SPOCK3: variants seen among roughly 807,000 people sequenced by gnomAD.
The protein encoded by SPOCK3 is SPARC (osteonectin), cwcv and kazal like domains proteoglycan 3.
In SPOCK3, 30 loss-of-function variants were observed where a neutral mutation model predicts 56.6. That is an observed-to-expected ratio of 0.53 (90% CI 0.40 to 0.72). The LOEUF is 0.72. Among genes scored for constraint, SPOCK3 ranks in the 30% least tolerant of loss-of-function variants. SPOCK3 has a pLI of 0.00. For missense variants in SPOCK3, 527 were observed against 530.0 expected (o/e 0.99, Z 0.06); for synonymous variants, 196 against 183.3 (o/e 1.07, Z -0.56).
At position 166,884,587 on chromosome 4, in the gene SPOCK3, T is replaced by A. The variant is rs1734010262; in HGVS notation, c.589+4543A>T. On this transcript the variant is annotated intron_variant, in intron 6 of 10. Transcript: ENST00000357545. The stretch of plus-strand genomic sequence containing the variant: ...TGGCATTTAATATGTGAAAAAGTTA[T>A]GTAATTTACTAGGATTCAGCAGCAT... 2.0e-5 allele frequency among the ~76,000 whole-genome samples: 3 copies of A among 152,166 alleles called. No homozygotes were observed. In the South Asian group the frequency reaches 6.2e-4, roughly 31 times the overall value.
At chr4:166,985,990 A>T (rs74542959) in intron 4 of SPOCK3, among the ~76,000 whole-genome samples, 16,133 of 152,216 alleles carry the variant, frequency 0.11, 1,127 homozygotes, top group Middle Eastern at 0.23. Context: ...AAAATATATA[A>T]AATTCTGAAT....
intron 6 of SPOCK3, among the ~76,000 whole-genome samples, chr4:166,859,079 A>G (rs1378637055): frequency 6.6e-6 from 1 of 152,154 alleles, no homozygotes; most frequent in African/African-American, 2.4e-5. Flanking sequence ...AATACTTACC[A>G]TTGTGTTACA....
At chr4:167,210,991 C>T (rs977441560) in intron 2 of SPOCK3, among the ~76,000 whole-genome samples, 8 of 151,992 alleles carry the variant, frequency 5.3e-5, no homozygotes, top group South Asian at 2.1e-4. Context: ...AAACAATGAA[C>T]GATTTTTTAA....
intron 2 of SPOCK3, among the ~76,000 whole-genome samples, chr4:167,222,660 TATAAAC>T (rs966535835): frequency 1.5e-5 from 2 of 136,744 alleles, no homozygotes; most frequent in Non-Finnish European, 3.1e-5. Context: ...TATATAAATA[TATAAAC>T]ATAGATATAT....
rs926647951 is a variant in SPOCK3 at position 167,183,998 on chromosome 4, C to T, written c.189+49987G>A. On this transcript the variant is annotated intron_variant, in intron 2 of 10. Transcript: ENST00000357545. Reference sequence around the variant, plus strand: ...TGAAGCCCAAATGGTTCATGAGTTACCAAGATGCTAATAAATCAAAATGGT... The same window carrying T: ...TGAAGCCCAAATGGTTCATGAGTTATCAAGATGCTAATAAATCAAAATGGT... Among the ~76,000 whole-genome samples, 3 of 152,134 alleles carry T rather than the reference C, an allele frequency of 2.0e-5. No homozygotes were observed. In the East Asian group the frequency reaches 5.8e-4, roughly 29 times the overall value.
intron 3 of SPOCK3, among the ~76,000 whole-genome samples, chr4:167,023,061 T>C (rs542650046): frequency 2.0e-5 from 3 of 152,188 alleles, no homozygotes; most frequent in Admixed American, 6.5e-5. Flanking sequence ...ATAGAGACTA[T>C]GCACAGGAAT....
intron 5 of SPOCK3, among the ~76,000 whole-genome samples, chr4:166,899,379 C>G (rs1158465099): frequency 6.6e-6 from 1 of 151,586 alleles, no homozygotes; most frequent in African/African-American, 2.4e-5. Context: ...CAGATGATAC[C>G]CTGTTGTTTG....
chr4:167,168,758 A>G (rs949879049), intron 2 of SPOCK3, among the ~76,000 whole-genome samples: 1 of 152,176 alleles, frequency 6.6e-6, no homozygotes, highest in African/African-American at 2.4e-5. Flanking sequence ...AATCACCAAG[A>G]CAATGGGAAT....
At chr4:166,862,363 A>T (rs568581187) in intron 6 of SPOCK3, among the ~76,000 whole-genome samples, 1 of 152,212 alleles carries the variant, frequency 6.6e-6, no homozygotes, top group South Asian at 2.1e-4. Context: ...AAAGACTTGA[A>T]TGTAGCAAAT....
At chr4:166,774,004 C>T (rs1050004128) in intron 7 of SPOCK3, among the ~76,000 whole-genome samples, 1 of 152,154 alleles carries the variant, frequency 6.6e-6, no homozygotes, top group Non-Finnish European at 1.5e-5. Context: ...TTCATCTCAG[C>T]TTTCAGTAAC....
intron 4 of SPOCK3, among the ~76,000 whole-genome samples, chr4:166,937,892 T>A (rs1167755616): frequency 1.3e-5 from 2 of 149,152 alleles, no homozygotes; most frequent in Non-Finnish European, 3.0e-5. Context: ...GCCTCCCGAG[T>A]AGCTGGGACT....
At chr4:166,880,058 A>G (rs1733526412) in intron 6 of SPOCK3, among the ~76,000 whole-genome samples, 1 of 152,160 alleles carries the variant, frequency 6.6e-6, no homozygotes, top group African/African-American at 2.4e-5. Flanking sequence ...TCTTTTCTTT[A>G]TAAATTACCA....
At chr4:166,899,276 A>G (rs955934584) in intron 5 of SPOCK3, among the ~76,000 whole-genome samples, 1 of 137,362 alleles carries the variant, frequency 7.3e-6, no homozygotes, top group Middle Eastern at 3.4e-3. Flanking sequence ...CTATCTATCT[A>G]TCTATCTATC....
At position 166,870,430 on chromosome 4, in the gene SPOCK3, G is replaced by A. The variant is rs528668371; in HGVS notation, c.589+18700C>T. On this transcript the variant is annotated intron_variant, in intron 6 of 10. Coordinates refer to ENST00000357545, the MANE Select transcript of SPOCK3 (RefSeq NM_001040159.2). Reference sequence around the variant, plus strand: ...AATTCTTCTAAAATGTGCATGGAACGTTCACCAAGACAGAATACATTCTGG... The same window carrying A: ...AATTCTTCTAAAATGTGCATGGAACATTCACCAAGACAGAATACATTCTGG... Among the ~76,000 whole-genome samples the A allele has an allele frequency of 7.2e-5, 11 of 151,900 alleles. No individual in the cohort carries two copies. The East Asian group carries it at 9.7e-4, about 13-fold the overall frequency.
intron 2 of SPOCK3, chr4:167,083,218 A>C (rs1335024567): frequency 1.3e-6 from 1 of 765,296 alleles, no homozygotes; most frequent in South Asian, 1.3e-5. Context: ...ATTTCTGTCG[A>C]CACCCAACCC....
chr4:166,824,664 G>A (rs1347087699), intron 6 of SPOCK3, among the ~76,000 whole-genome samples: 1 of 152,060 alleles, frequency 6.6e-6, no homozygotes, highest in Non-Finnish European at 1.5e-5. Flanking sequence ...ACTAGCAGGG[G>A]CCAGTATTTT....
intron 2 of SPOCK3, among the ~76,000 whole-genome samples, chr4:167,210,740 A>T (rs376029765): frequency 6.6e-6 from 1 of 152,164 alleles, no homozygotes; most frequent in Non-Finnish European, 1.5e-5. Context: ...GAAAAAACAA[A>T]TATCATTCTC....
chr4:167,205,387 ATATT>A (rs1734085177), intron 2 of SPOCK3, among the ~76,000 whole-genome samples: 4 of 42,520 alleles, frequency 9.4e-5, no homozygotes, highest in African/African-American at 3.4e-4. Flanking sequence ...TATAATATAT[ATATT>A]TTATATATAA....
Position 166,980,284 on chromosome 4 carries a change from T to C in SPOCK3, c.350+20065A>G, listed in dbSNP as rs528789603. On this transcript the variant is annotated intron_variant, in intron 4 of 10. Transcript: ENST00000357545. ...TGGCATGCCTAGAATATCTGGCATA[T>C]TGCAGATAATAAATCATTGTTGAAT... Among the ~76,000 whole-genome samples the C allele has an allele frequency of 1.7e-4, 26 of 152,382 alleles. 1 individual carries two copies. In the South Asian group the frequency reaches 5.2e-3, roughly 30 times the overall value.
Sources: gnomAD v4.1 joint callset for allele counts (sites outside exome capture counted in the v4.1 genomes callset) on GRCh38, gnomAD v4.1.1 for gene constraint, MANE v1.5 for transcripts, NCBI Gene and HGNC (gene_info 2026-07-23, HGNC 2026-07-21) for gene names.